The following MYT1L variants were observed in gnomAD, a reference collection of about 807,000 sequenced individuals.
MYT1L encodes myelin transcription factor 1 like.
MYT1L carries 12 observed loss-of-function variants against 126.7 expected under a neutral mutation model. The ratio of observed to expected loss-of-function variants is 0.09; its 90% CI spans 0.06 to 0.15. MYT1L has a LOEUF of 0.15. Ranked by LOEUF, MYT1L falls within the 10% of genes least tolerant of loss-of-function variation. MYT1L has a pLI of 1.00. For synonymous variants in MYT1L, 541 were observed against 604.2 expected, an observed-to-expected ratio of 0.90 and a Z score of 1.53; for missense variants, 979 against 1,585.2, an observed-to-expected ratio of 0.62 and a Z score of 6.49.
chr2:1,900,600 G>A (rs1204955418), intron 14 of MYT1L, among the ~76,000 whole-genome samples: 1 of 152,178 alleles, frequency 6.6e-6, no homozygotes, highest in East Asian at 1.9e-4. Context: ...CGCCCGGCCA[G>A]GAGGCTTTTA....
rs533154478 is a variant in MYT1L at position 1,901,667 on chromosome 2, C to T, written c.2032+1413G>A. On this transcript the variant is annotated intron_variant, in intron 14 of 24. Coordinates refer to ENST00000647738, the MANE Select transcript of MYT1L (RefSeq NM_001303052.2). Reference sequence around the variant, plus strand: ...AAAAATGGTTTCTGAAGTCCCCAAGCATTCAGTTTAAATATTGTGTGTGTA... The same window carrying T: ...AAAAATGGTTTCTGAAGTCCCCAAGTATTCAGTTTAAATATTGTGTGTGTA... Among the ~76,000 whole-genome samples the T allele has an allele frequency of 7.2e-5, 11 of 152,296 alleles. No homozygotes were observed. The East Asian group carries it at 1.9e-3, about 27-fold the overall frequency.
At chr2:1,844,977 CTTTT>C (rs34390205) in intron 19 of MYT1L, among the ~76,000 whole-genome samples, 3 of 133,120 alleles carry the variant, frequency 2.3e-5, no homozygotes, top group Non-Finnish European at 1.6e-5. Flanking sequence ...ATCCATCTTC[CTTTT>C]TTTTTTTTTT....
chr2:2,166,626 T>C (rs766937382), intron 3 of MYT1L, among the ~76,000 whole-genome samples: 2 of 152,200 alleles, frequency 1.3e-5, no homozygotes, highest in Non-Finnish European at 2.9e-5. Flanking sequence ...TGAGGATACA[T>C]TAGATTGGTT....
chr2:2,063,612 G>A (rs1022536853), intron 3 of MYT1L, among the ~76,000 whole-genome samples: 1 of 152,254 alleles, frequency 6.6e-6, no homozygotes, highest in Non-Finnish European at 1.5e-5. Context: ...GGGAGGCCAA[G>A]GTGGGTGGAT....
intron 4 of MYT1L, among the ~76,000 whole-genome samples, chr2:2,047,967 G>A (rs1270918980): frequency 2.6e-5 from 4 of 152,120 alleles, no homozygotes; most frequent in Non-Finnish European, 5.9e-5. Flanking sequence ...TTGTCTCCAG[G>A]GAATTTGTAG....
At chr2:2,039,919 G>C (rs947997949) in intron 4 of MYT1L, among the ~76,000 whole-genome samples, 1 of 152,176 alleles carries the variant, frequency 6.6e-6, no homozygotes. Context: ...TGCAAGAAGC[G>C]AGGTGGCTAA....
intron 3 of MYT1L, among the ~76,000 whole-genome samples, chr2:2,156,118 T>C (rs951639577): frequency 2.0e-4 from 31 of 152,362 alleles, no homozygotes; most frequent in Admixed American, 3.9e-4. Flanking sequence ...TAGTGTAAAG[T>C]GAGCTTGTAA....
rs1243206809 is a variant in MYT1L at position 1,912,665 on chromosome 2, C to T, written c.1619-555G>A. Among the ~76,000 whole-genome samples, 1 of 152,166 alleles carries T rather than the reference C, an allele frequency of 6.6e-6. No individual in the cohort carries two copies. The highest frequency in any genetic ancestry group is 1.9e-4 in the East Asian group (1 of 5,188). Reference sequence around the variant, plus strand: ...TAAAATGAATTAAATAATCACTCTTCCTTTAGGAATCAAGTGCTTTATTAT... The same window carrying T: ...TAAAATGAATTAAATAATCACTCTTTCTTTAGGAATCAAGTGCTTTATTAT... On this transcript the variant is annotated intron_variant, in intron 11 of 24. Coordinates refer to ENST00000647738, the MANE Select transcript of MYT1L (RefSeq NM_001303052.2). This position sits in a 1 kb window ranked among gnomAD's most constrained non-coding sequence, Gnocchi z 4.3.
At chr2:2,091,109 C>A (rs1395512493) in intron 3 of MYT1L, among the ~76,000 whole-genome samples, 1 of 152,206 alleles carries the variant, frequency 6.6e-6, no homozygotes, top group African/African-American at 2.4e-5. Flanking sequence ...TCATGAATCA[C>A]CAATTGTGAA....
chr2:2,331,163 C>T lies in MYT1L; in HGVS notation c.-717G>A, dbSNP rs2149754462. ...GAGTATGGATATCATAACCCATAGT[C>T]CAGGGAATGAAAAAATTAAAATGCA... On this transcript the variant is annotated 5_prime_UTR_variant, in exon 1 of 25. Coordinates refer to ENST00000647738, the MANE Select transcript of MYT1L (RefSeq NM_001303052.2). 1 of 151,816 alleles carries T rather than the reference C, an allele frequency of 6.6e-6. No individual in the cohort carries two copies. The highest frequency in any genetic ancestry group is 1.5e-5 in the Non-Finnish European group (1 of 67,962). 9.4% of individuals were successfully genotyped at this position (151,816 alleles called of 1,614,324 possible).
chr2:2,164,682 A>C (rs934262538), intron 3 of MYT1L, among the ~76,000 whole-genome samples: 2 of 152,148 alleles, frequency 1.3e-5, no homozygotes, highest in Admixed American at 6.5e-5. Context: ...ATCTGCATAA[A>C]CTTGTGACAT....
intron 2 of MYT1L, among the ~76,000 whole-genome samples, chr2:2,210,743 AT>A (rs1255097359): frequency 6.6e-6 from 1 of 151,904 alleles, no homozygotes; most frequent in East Asian, 1.9e-4. Flanking sequence ...ATTTTAGGAT[AT>A]TTTTTCTATT....
intron 3 of MYT1L, among the ~76,000 whole-genome samples, chr2:2,149,632 C>A (rs1261795103): frequency 6.6e-6 from 1 of 152,224 alleles, no homozygotes; most frequent in Non-Finnish European, 1.5e-5. Context: ...CCTGTCAGGC[C>A]ATACAGGGTT....
intron 8 of MYT1L, among the ~76,000 whole-genome samples, chr2:1,952,883 T>TCC: frequency 1.2e-5 from 1 of 80,692 alleles, no homozygotes; most frequent in African/African-American, 6.9e-5. Flanking sequence ...CCCTCCTTCC[T>TCC]TCCCTTCCCT....
intron 3 of MYT1L, among the ~76,000 whole-genome samples, chr2:2,064,545 A>T (rs887435590): frequency 2.0e-5 from 3 of 152,220 alleles, no homozygotes; most frequent in African/African-American, 7.2e-5. Flanking sequence ...GACTGAAAGT[A>T]TCTGTGTACA....
At chr2:2,180,627 G>T (rs920689506) in intron 2 of MYT1L, among the ~76,000 whole-genome samples, 1 of 120,358 alleles carries the variant, frequency 8.3e-6, no homozygotes, top group Admixed American at 8.4e-5. Flanking sequence ...CCTGTGTGTA[G>T]CTGTGTGTGC....
Position 1,809,138 on chromosome 2 carries a change from G to A in MYT1L, c.3110C>T (p.Ala1037Val). The A allele has an allele frequency of 1.9e-6, 3 of 1,613,940 alleles. No homozygotes were observed. Among genetic ancestry groups the A allele is most frequent in the Non-Finnish European group, 1.7e-6 (2 of 1,179,884 alleles). Residue 1037 changes from alanine to valine, a missense_variant, in exon 22 of 25, where the codon GCG (alanine) becomes GTG (valine). This residue lies in a region of MYT1L where 179 missense variants were observed against 398.6 expected (regional missense o/e 0.45). Coordinates refer to ENST00000647738, the MANE Select transcript of MYT1L (RefSeq NM_001303052.2). Reference sequence around the variant, plus strand: ...TCCAGAAAGCTTTGCCTTCTTCATCGCTGACGTGGCTCTCGGGCATCCTGA... The same window carrying A: ...TCCAGAAAGCTTTGCCTTCTTCATCACTGACGTGGCTCTCGGGCATCCTGA... ...SLSGCPRATS[A>V]MKKAKLSGEQ...
intron 2 of MYT1L, among the ~76,000 whole-genome samples, chr2:2,229,357 T>C (rs1174795721): frequency 6.6e-6 from 1 of 152,200 alleles, no homozygotes; most frequent in Non-Finnish European, 1.5e-5. Context: ...ATGATTTTAT[T>C]ATTACAAAGC....
chr2:1,899,382 G>A (rs1289149746), intron 14 of MYT1L, among the ~76,000 whole-genome samples: 1 of 152,202 alleles, frequency 6.6e-6, no homozygotes, highest in Non-Finnish European at 1.5e-5. Context: ...GTGCTTTTCT[G>A]CAATTCTTTA....
Sources: allele counts gnomAD v4.1 joint callset (sites outside exome capture counted in the v4.1 genomes callset), GRCh38; gene constraint gnomAD v4.1.1; regional missense constraint gnomAD v4.1.1; non-coding constraint Gnocchi (gnomAD v3.1); transcripts MANE v1.5; gene names NCBI Gene and HGNC (gene_info 2026-07-23, HGNC 2026-07-21).